SIPA1L2: variants seen among roughly 807,000 people sequenced by gnomAD.
SIPA1L2 encodes signal-induced proliferation-associated 1-like protein 2.
Under a neutral mutation model 163.9 loss-of-function variants are expected in SIPA1L2, and 56 were observed. The observed-to-expected ratio is 0.34, with a 90% CI of 0.28 to 0.43. The LOEUF (loss-of-function observed/expected upper bound fraction) is 0.43. SIPA1L2 is among the 20% of genes least tolerant of loss of function. The pLI, the probability that SIPA1L2 is intolerant of heterozygous loss-of-function variation, is 1.00. For missense variants in SIPA1L2, 1,974 were observed against 2,193.5 expected (o/e 0.90, Z 2.00); for synonymous variants, 877 against 865.7 (o/e 1.01, Z -0.23).
At chr1:232,441,153 C>T (rs1282177434) in intron 14 of SIPA1L2, 138 bp downstream of exon 14, 2 of 629,202 alleles carry the variant, frequency 3.2e-6, no homozygotes, top group African/African-American at 3.8e-5. Context: ...AAGATAGTTT[C>T]CTTTTTTAAC....
At chr1:232,500,277 G>T (rs556089957) in intron 3 of SIPA1L2, among the ~76,000 whole-genome samples, 4 of 152,334 alleles carry the variant, frequency 2.6e-5, no homozygotes, top group African/African-American at 9.6e-5. Flanking sequence ...TCATTCTGTA[G>T]CCCATGAATC....
At chr1:232,433,247 G>A (rs2102836895) in intron 15 of SIPA1L2, among the ~76,000 whole-genome samples, 1 of 152,298 alleles carries the variant, frequency 6.6e-6, no homozygotes, top group African/African-American at 2.4e-5. Context: ...GACGACTTGG[G>A]CGATCTCATG....
chr1:232,584,933 G>A (rs1573125398), intron 1 of SIPA1L2, among the ~76,000 whole-genome samples: 1 of 152,180 alleles, frequency 6.6e-6, no homozygotes, highest in African/African-American at 2.4e-5. Flanking sequence ...TCCATATATG[G>A]GGGAGAGAGG....
At chr1:232,477,831 A>G (rs1441823949) in intron 7 of SIPA1L2, among the ~76,000 whole-genome samples, 2 of 152,224 alleles carry the variant, frequency 1.3e-5, no homozygotes, top group East Asian at 3.8e-4. Flanking sequence ...GGAGGTTGCC[A>G]CATGTGAAAT....
chr1:232,463,147 G>T (rs1274401637), intron 9 of SIPA1L2, among the ~76,000 whole-genome samples: 2 of 152,212 alleles, frequency 1.3e-5, no homozygotes, highest in Admixed American at 6.5e-5. Context: ...TTCTGAGAGC[G>T]GGTCCCTGTG....
chr1:232,399,120 G>A lies in SIPA1L2; in HGVS notation c.*7C>T, dbSNP rs774124201. 6.2e-6 allele frequency: 10 copies of A among 1,613,896 alleles called. No homozygotes were observed. The highest frequency in any genetic ancestry group is 4.5e-5 in the East Asian group (2 of 44,870). On this transcript the variant is annotated 3_prime_UTR_variant, in exon 23 of 23. Coordinates refer to ENST00000674635, the MANE Select transcript of SIPA1L2 (RefSeq NM_020808.5). ...TCCCAGTGGTCCCTTGATGAGGTGC[G>A]GATTGGCTAAGATTTTTTGTCGATG...
At chr1:232,519,140 G>A (rs6424231) in intron 2 of SIPA1L2, among the ~76,000 whole-genome samples, 130,517 of 152,182 alleles carry the variant, frequency 0.86, 56,819 homozygotes, top group Non-Finnish European at 0.93. Context: ...ACTCTGAAAA[G>A]ACAGCTTCCC....
rs747654564 is a variant in SIPA1L2 at position 232,428,428 on chromosome 1, C to T, written c.4393G>A (p.Glu1465Lys). 10 of 1,568,614 alleles carry T rather than the reference C, an allele frequency of 6.4e-6. No homozygotes were observed. In the South Asian group the frequency reaches 1.2e-4, roughly 19 times the overall value. The change falls in exon 17 of 23, where the codon GAG (glutamate) becomes AAG (lysine). Residue 1465 changes from glutamate to lysine, a missense_variant. By Grantham distance (56) the Glu-to-Lys change is moderately conservative. This residue lies in a region of SIPA1L2 where 1,079 missense variants were observed against 1,150.7 expected (regional missense o/e 0.94). Transcript: ENST00000674635. ...KLMLPDSPLVEEGRRKFSFYG... is the reference protein window; with the variant it reads ...KLMLPDSPLVKEGRRKFSFYG... ...TCACTAACCTTTCTTCGCCCCTCCT[C>T]CACTAAGGGGCTGTCAGGAAGCATC...
rs187867913 is a variant in SIPA1L2 at position 232,611,917 on chromosome 1, C to A, written c.-319+17952G>T. On this transcript the variant is annotated intron_variant, in intron 1 of 22. Coordinates refer to ENST00000674635, the MANE Select transcript of SIPA1L2 (RefSeq NM_020808.5). ...CAGAGGCCTTCCCAGCAGCCCCTCC[C>A]ATCACAGGCCCAGAAACCTAGGAGA... Among the ~76,000 whole-genome samples, 946 of 152,358 alleles carry A rather than the reference C, an allele frequency of 6.2e-3. 6 individuals are homozygous for A. Among genetic ancestry groups the A allele is most frequent in the Non-Finnish European group, 0.01 (706 of 68,038 alleles).
At chr1:232,501,922 C>T (rs1312540326) in intron 3 of SIPA1L2, among the ~76,000 whole-genome samples, 4 of 143,366 alleles carry the variant, frequency 2.8e-5, no homozygotes, top group Non-Finnish European at 4.5e-5. Flanking sequence ...TGCCTTCCTT[C>T]GGCTGCTTCT....
chr1:232,491,187 G>A, intron 4 of SIPA1L2, 125 bp from the exon 5 acceptor site: 2 of 776,518 alleles, frequency 2.6e-6, no homozygotes, highest in South Asian at 3.8e-5. Flanking sequence ...GTAGTGAAAG[G>A]GGCGACAGTG....
At chr1:232,528,190 T>C (rs1039739063) in intron 2 of SIPA1L2, among the ~76,000 whole-genome samples, 6 of 151,374 alleles carry the variant, frequency 4.0e-5, no homozygotes, top group African/African-American at 1.2e-4. Flanking sequence ...ATTACATTTA[T>C]TGAAGGATTT....
intron 7 of SIPA1L2, among the ~76,000 whole-genome samples, chr1:232,478,725 A>G (rs186071369): frequency 4.3e-4 from 65 of 152,350 alleles, no homozygotes; most frequent in African/African-American, 1.5e-3. Context: ...AATCCCTAAA[A>G]TTAAATTATG....
chr1:232,594,126 A>G (rs1661113640), intron 1 of SIPA1L2, among the ~76,000 whole-genome samples: 1 of 152,172 alleles, frequency 6.6e-6, no homozygotes. Context: ...TCCTCTCCAG[A>G]TAGAGTGAGA....
At position 232,399,115 on chromosome 1, in the gene SIPA1L2, G is replaced by C; in HGVS notation, c.*12C>G. 1 of 1,614,078 alleles carries C rather than the reference G, an allele frequency of 6.2e-7. No individual in the cohort carries two copies. The highest frequency in any genetic ancestry group is 8.5e-7 in the Non-Finnish European group (1 of 1,180,012). On this transcript the variant is annotated 3_prime_UTR_variant, in exon 23 of 23. Transcript: ENST00000674635. ...GCATTTCCCAGTGGTCCCTTGATGA[G>C]GTGCGGATTGGCTAAGATTTTTTGT...
chr1:232,413,995 A>G (rs572215105), intron 19 of SIPA1L2, among the ~76,000 whole-genome samples: 1 of 152,146 alleles, frequency 6.6e-6, no homozygotes, highest in Non-Finnish European at 1.5e-5. Flanking sequence ...CATGCCCAAG[A>G]AAGTGCTAGA....
intron 2 of SIPA1L2, among the ~76,000 whole-genome samples, chr1:232,564,180 GTGTGTGTGT>G: frequency 2.4e-5 from 2 of 81,778 alleles, no homozygotes; most frequent in Admixed American, 1.3e-4. Flanking sequence ...GTGTGTGTGT[GTGTGTGTGT>G]TTCATCATGT....
chr1:232,445,423 G>A lies in SIPA1L2; in HGVS notation c.3353+106C>T, dbSNP rs1663153845. The A allele has an allele frequency of 4.0e-6, 6 of 1,518,910 alleles. 1 individual carries two copies. The South Asian group carries it at 7.4e-5, about 19-fold the overall frequency. 94.1% of individuals were successfully genotyped at this position (1,518,910 alleles called of 1,614,324 possible). ...GCTACCCTGCTTGCCAACTTGCTGTGAACAAGCTAACTCAGAAGTGATTAA... is the reference window on the plus strand; with the variant it reads ...GCTACCCTGCTTGCCAACTTGCTGTAAACAAGCTAACTCAGAAGTGATTAA... On this transcript the variant is annotated intron_variant, in intron 11 of 22. Coordinates refer to ENST00000674635, the MANE Select transcript of SIPA1L2 (RefSeq NM_020808.5).
chr1:232,622,741 A>T (rs1226868376), intron 1 of SIPA1L2, among the ~76,000 whole-genome samples: 1 of 152,240 alleles, frequency 6.6e-6, no homozygotes, highest in Non-Finnish European at 1.5e-5. Context: ...GTTCCATATC[A>T]GAGTTCAATC....
Sources: allele counts gnomAD v4.1 joint callset (sites outside exome capture counted in the v4.1 genomes callset), GRCh38; gene constraint gnomAD v4.1.1; regional missense constraint gnomAD v4.1.1; transcripts MANE v1.5; gene names NCBI Gene and HGNC (gene_info 2026-07-23, HGNC 2026-07-21).